RAB11FIP3: variants seen among roughly 807,000 people sequenced by gnomAD.
RAB11FIP3 encodes the protein rab11 family-interacting protein 3.
Under a neutral mutation model 77.8 loss-of-function variants are expected in RAB11FIP3, and 17 were observed. The observed-to-expected ratio is 0.22, with a 90% CI of 0.15 to 0.33. RAB11FIP3 has a LOEUF of 0.33. Ranked by LOEUF, RAB11FIP3 falls within the 10% of genes least tolerant of loss-of-function variation. The pLI is 1.00. For synonymous variants in RAB11FIP3, 437 were observed against 448.2 expected (o/e 0.98, Z 0.31); for missense variants, 1,005 against 1,011.2 (o/e 0.99, Z 0.08).
At position 466,723 on chromosome 16, in the gene RAB11FIP3, G is replaced by A. The variant is rs866174054; in HGVS notation, c.809-4572G>A. Among the ~76,000 whole-genome samples the A allele has an allele frequency of 2.4e-4, 36 of 152,318 alleles. 1 individual carries two copies. The Middle Eastern group carries it at 0.024, about 101-fold the overall frequency. On this transcript the variant is annotated intron_variant, in intron 2 of 13. Coordinates refer to ENST00000262305, the MANE Select transcript of RAB11FIP3 (RefSeq NM_014700.4). ...TAGTGGTTGCCCAGCCACCTGACAC[G>A]CCAAGCTGGGGCCTTCTCCCAGACA...
intron 6 of RAB11FIP3, chr16:497,518 A>C: frequency 8.6e-7 from 1 of 1,158,412 alleles, no homozygotes; most frequent in Non-Finnish European, 1.1e-6. Context: ...GGCATCTGGC[A>C]GGGCTGGGAG....
chr16:493,901 T>C (rs935260967), intron 5 of RAB11FIP3, among the ~76,000 whole-genome samples: 7 of 139,014 alleles, frequency 5.0e-5, no homozygotes, highest in Non-Finnish European at 9.2e-5. Context: ...TGCCTGGAGG[T>C]ATATTATCTT....
intron 1 of RAB11FIP3, among the ~76,000 whole-genome samples, chr16:430,820 C>T (rs2055023229): frequency 6.6e-6 from 1 of 152,184 alleles, no homozygotes; most frequent in African/African-American, 2.4e-5. Flanking sequence ...CGGTGAAACC[C>T]CGTCTCTACT....
intron 1 of RAB11FIP3, among the ~76,000 whole-genome samples, chr16:458,824 C>G (rs2055554260): frequency 6.6e-6 from 1 of 152,222 alleles, no homozygotes. Context: ...GCCCACACTT[C>G]TTTCTTCTTT....
intron 1 of RAB11FIP3, among the ~76,000 whole-genome samples, chr16:458,961 C>A (rs547424550): frequency 6.6e-5 from 10 of 152,270 alleles, no homozygotes; most frequent in Admixed American, 5.9e-4. Context: ...TGCAGGCATG[C>A]CTCTGGTGAC....
intron 1 of RAB11FIP3, among the ~76,000 whole-genome samples, chr16:441,677 G>A (rs911962961): frequency 6.6e-5 from 10 of 152,176 alleles, no homozygotes; most frequent in Non-Finnish European, 1.3e-4. Flanking sequence ...GCCCCATGCT[G>A]CTCCTTTCTT....
intron 4 of RAB11FIP3, among the ~76,000 whole-genome samples, chr16:486,188 A>G (rs2056150103): frequency 6.6e-6 from 1 of 151,840 alleles, no homozygotes; most frequent in African/African-American, 2.4e-5. Flanking sequence ...ACAGGCGAGT[A>G]TTTTCTCACT....
intron 10 of RAB11FIP3, 177 bp downstream of exon 10, chr16:519,201 G>A (rs1310634573): frequency 7.8e-6 from 5 of 640,844 alleles, no homozygotes; most frequent in Non-Finnish European, 1.3e-5. Flanking sequence ...CCACCCACAG[G>A]AGCAGGGCCC....
intron 8 of RAB11FIP3, among the ~76,000 whole-genome samples, chr16:508,102 C>T (rs2031964259): frequency 6.6e-6 from 1 of 152,230 alleles, no homozygotes; most frequent in Admixed American, 6.5e-5. Context: ...GCACAGGAGC[C>T]AGATGCTCTG....
chr16:477,917 C>G (rs1385228680), intron 3 of RAB11FIP3, among the ~76,000 whole-genome samples: 1 of 152,190 alleles, frequency 6.6e-6, no homozygotes, highest in Non-Finnish European at 1.5e-5. Context: ...AAAGCACCTT[C>G]CTGGGTTGTC....
At chr16:428,923 GGGGGCAAGGGCT>G (rs1483362874) in intron 1 of RAB11FIP3, among the ~76,000 whole-genome samples, 1 of 152,070 alleles carries the variant, frequency 6.6e-6, no homozygotes, top group African/African-American at 2.4e-5. Flanking sequence ...TTCGAAGGTT[GGGGGCAAGGGCT>G]GGATGACTTG....
chr16:515,039 A>T (rs2032338863), intron 9 of RAB11FIP3, among the ~76,000 whole-genome samples: 2 of 152,172 alleles, frequency 1.3e-5, no homozygotes, highest in Admixed American at 1.3e-4. Context: ...AAAGGAGAGA[A>T]GTCAGAAAGA....
At chr16:511,423 G>T (rs1328232565) in intron 9 of RAB11FIP3, among the ~76,000 whole-genome samples, 1 of 124,592 alleles carries the variant, frequency 8.0e-6, no homozygotes, top group Non-Finnish European at 1.6e-5. Flanking sequence ...AGAACCTGCA[G>T]GCCAGGTAGG....
chr16:437,923 C>T (rs1243467685), intron 1 of RAB11FIP3, among the ~76,000 whole-genome samples: 1 of 152,116 alleles, frequency 6.6e-6, no homozygotes, highest in African/African-American at 2.4e-5. Context: ...GATTCTCCTG[C>T]CTTAGTCTCC....
At chr16:439,427 T>A (rs530975335) in intron 1 of RAB11FIP3, 1 of 152,348 alleles carries the variant, frequency 6.6e-6, no homozygotes, top group African/African-American at 2.4e-5. Context: ...GGTATTACTC[T>A]GGTTACCATC....
At chr16:490,067 C>T (rs1387737298) in intron 5 of RAB11FIP3, among the ~76,000 whole-genome samples, 2 of 152,216 alleles carry the variant, frequency 1.3e-5, no homozygotes, top group African/African-American at 4.8e-5. Context: ...TGGTAATCAC[C>T]TCTTCCTACG....
Position 507,678 on chromosome 16 carries a change from C to T in RAB11FIP3, c.1499+2051C>T, listed in dbSNP as rs985232616. Reference sequence around the variant, plus strand: ...CCACTGACCGTCTGCAGTGCAGCCCCGGCCACATTCAGTTCCTGTGGCTGT... The same window carrying T: ...CCACTGACCGTCTGCAGTGCAGCCCTGGCCACATTCAGTTCCTGTGGCTGT... On this transcript the variant is annotated intron_variant, in intron 8 of 13. Coordinates refer to ENST00000262305, the MANE Select transcript of RAB11FIP3 (RefSeq NM_014700.4). The surrounding 1 kb of genome is among the most constrained non-coding windows in gnomAD (Gnocchi z 4.6). 5.3e-5 allele frequency among the ~76,000 whole-genome samples: 8 copies of T among 152,268 alleles called. No homozygotes were observed. The highest frequency in any genetic ancestry group is 7.2e-5 in the African/African-American group (3 of 41,468).
Position 518,972 on chromosome 16 carries a change from A to G in RAB11FIP3, c.1670A>G (p.Glu557Gly). 6.2e-7 allele frequency: 1 copy of G among 1,613,708 alleles called. No homozygotes were observed. Among genetic ancestry groups the G allele is most frequent in the South Asian group, 1.1e-5 (1 of 91,086 alleles). Residue 557 changes from glutamate to glycine, a missense_variant, in exon 10 of 14, where the codon GAA becomes GGA. Glu to Gly is a moderately conservative substitution (Grantham distance 98). Coordinates refer to ENST00000262305, the MANE Select transcript of RAB11FIP3 (RefSeq NM_014700.4). ...CAGCAACTGGACGAGGAGAACAGTG[A>G]ACTCCGGTCCTGCACGCCCTGTCTG... ...RLQQLDEENS[E>G]LRSCTPCLKA...
intron 1 of RAB11FIP3, among the ~76,000 whole-genome samples, chr16:453,966 CAT>C (rs2055453777): frequency 6.6e-6 from 1 of 152,076 alleles, no homozygotes; most frequent in African/African-American, 2.4e-5. Context: ...TAGGAAAACT[CAT>C]ATTATTCAGC....
Sources: allele counts gnomAD v4.1 joint callset (sites outside exome capture counted in the v4.1 genomes callset), GRCh38; gene constraint gnomAD v4.1.1; non-coding constraint Gnocchi (gnomAD v3.1); transcripts MANE v1.5; gene names NCBI Gene and HGNC (gene_info 2026-07-23, HGNC 2026-07-21).